Variants in MYO9B observed in about 807,000 individuals in gnomAD.
The protein encoded by MYO9B is myosin IXB, also known as unconventional myosin-IXb.
A neutral mutation model predicts 229.5 loss-of-function variants in MYO9B; 71 were observed. The ratio of observed to expected loss-of-function variants is 0.31; its 90% CI spans 0.26 to 0.38. MYO9B has a LOEUF of 0.38. Among genes scored for constraint, MYO9B ranks in the 10% least tolerant of loss-of-function variants. The pLI is 1.00. For synonymous variants in MYO9B, 1,185 were observed against 1,235.8 expected, an observed-to-expected ratio of 0.96 and a Z score of 0.86; for missense variants, 2,255 against 2,920.5, an observed-to-expected ratio of 0.77 and a Z score of 5.25.
chr19:17,157,905 G>A (rs538069636), intron 7 of MYO9B, among the ~76,000 whole-genome samples: 3 of 152,146 alleles, frequency 2.0e-5, no homozygotes, highest in East Asian at 1.9e-4. Context: ...AAAAATTCTA[G>A]TTTGATCAAG....
intron 1 of MYO9B, among the ~76,000 whole-genome samples, chr19:17,094,398 C>G (rs1056043831): frequency 6.6e-6 from 1 of 152,100 alleles, no homozygotes; most frequent in African/African-American, 2.4e-5. Flanking sequence ...GCTGCACTTA[C>G]TCAGTGTGCC....
Position 17,206,165 on chromosome 19 carries a change from G to A in MYO9B, c.5257+13G>A, listed in dbSNP as rs755396215. The A allele has an allele frequency of 1.2e-5, 20 of 1,609,576 alleles. No homozygotes were observed. Among genetic ancestry groups the A allele is most frequent in the Non-Finnish European group, 1.6e-5 (19 of 1,178,894 alleles). On this transcript the variant is annotated intron_variant, in intron 32 of 39. Coordinates refer to ENST00000682292, the MANE Select transcript of MYO9B (RefSeq NM_004145.4). ...GCGCTGCAGACAGGTGGGCGCTGTG[G>A]GCAGGTGGGTGCAGTGCCAGGCCCC...
In MYO9B at chr19:17,206,379, G is replaced by T; in HGVS notation, c.5386+3G>T. On this transcript the variant is annotated splice_donor_region_variant and intron_variant, in intron 33 of 39. Transcript: ENST00000682292. ...CGGCGACTTCCTCCGAGCCGTCGGTGAGCCCCATGGCGGTGCGGGTGGCAG... is the reference window on the plus strand; with the variant it reads ...CGGCGACTTCCTCCGAGCCGTCGGTTAGCCCCATGGCGGTGCGGGTGGCAG... The T allele has an allele frequency of 6.2e-7, 1 of 1,609,566 alleles. No individual in the cohort carries two copies.
At chr19:17,104,907 A>G (rs148400584) in intron 2 of MYO9B, among the ~76,000 whole-genome samples, 2 of 152,094 alleles carry the variant, frequency 1.3e-5, no homozygotes, top group African/African-American at 2.4e-5. Context: ...CTACGTTGGT[A>G]CTGTTACTAA....
chr19:17,092,679 C>T (rs568798401), intron 1 of MYO9B, among the ~76,000 whole-genome samples: 30 of 145,050 alleles, frequency 2.1e-4, no homozygotes, highest in Non-Finnish European at 3.7e-4. Context: ...GAGCTGAGAT[C>T]GCACCGCTGC....
intron 38 of MYO9B, 48 bp from the exon 39 acceptor site, chr19:17,211,599 G>A (rs778797344): frequency 1.3e-6 from 2 of 1,523,622 alleles, no homozygotes. Context: ...CACTGGCCCA[G>A]CACTTCCGGT....
chr19:17,102,130 G>A lies in MYO9B; in HGVS notation c.413G>A (p.Arg138His), dbSNP rs1478995093. Residue 138 changes from arginine to histidine, a missense_variant, in exon 2 of 40, where the codon CGT (arginine) becomes CAT (histidine). Arg to His is a conservative substitution (Grantham distance 29). Transcript: ENST00000682292. The stretch of plus-strand genomic sequence containing the variant: ...ACAGCCACCCGGCGCCTAGTGGAGC[G>A]TGGCCTCCTGCCACGGCAGCAGGCG... ...QATATRRLVE[R>H]GLLPRQQADF... is the part of the protein sequence containing the mutation. 3 of 1,613,474 alleles carry A rather than the reference G, an allele frequency of 1.9e-6. No homozygotes were observed. The highest frequency in any genetic ancestry group is 2.5e-6 in the Non-Finnish European group (3 of 1,179,890).
At chr19:17,210,955 C>T in intron 38 of MYO9B, 107 bp downstream of exon 38, 2 of 1,156,988 alleles carry the variant, frequency 1.7e-6, no homozygotes, top group Non-Finnish European at 2.4e-6. Flanking sequence ...GTCCTGTCAT[C>T]CCTAACACTG....
chr19:17,175,824 C>CTTTTTTTTTT (rs534528766), intron 14 of MYO9B, 83 bp downstream of exon 14: 1 of 471,924 alleles, frequency 2.1e-6, no homozygotes. Flanking sequence ...ATGCTACATT[C>CTTTTTTTTTT]TTTTTTTTTT....
intron 3 of MYO9B, among the ~76,000 whole-genome samples, chr19:17,147,556 A>AAC (rs1405887860): frequency 2.6e-5 from 4 of 150,974 alleles, no homozygotes; most frequent in Non-Finnish European, 5.9e-5. Context: ...AAAAAAAAAA[A>AAC]AAAAACCCAA....
chr19:17,173,005 G>C (rs762990077), intron 13 of MYO9B, 42 bp downstream of exon 13: 1 of 1,584,578 alleles, frequency 6.3e-7, no homozygotes, highest in Non-Finnish European at 8.5e-7. Flanking sequence ...TCACTGTCGA[G>C]AGGGGGGCAC....
intron 17 of MYO9B, among the ~76,000 whole-genome samples, chr19:17,185,522 G>A (rs1487348861): frequency 2.0e-5 from 3 of 150,522 alleles, no homozygotes. Context: ...CTCCAGCTTG[G>A]GCAACAAGAG....
rs1185212795 is a variant in MYO9B at position 17,184,851 on chromosome 19, T to G, written c.2374-14T>G. On this transcript the variant is annotated splice_polypyrimidine_tract_variant and intron_variant, in intron 16 of 39. Transcript: ENST00000682292. Reference sequence around the variant, plus strand: ...CTGTGGGAGGGCAGGCCGGACCCCATGTGTCTGTCCTAGAACCTACTGGAC... The same window carrying G: ...CTGTGGGAGGGCAGGCCGGACCCCAGGTGTCTGTCCTAGAACCTACTGGAC... The G allele has an allele frequency of 3.7e-6, 6 of 1,613,610 alleles. No homozygotes were observed. The highest frequency in any genetic ancestry group is 2.2e-5 in the East Asian group (1 of 44,852).
intron 20 of MYO9B, among the ~76,000 whole-genome samples, chr19:17,192,473 T>C (rs2072995902): frequency 6.6e-6 from 1 of 151,324 alleles, no homozygotes; most frequent in Non-Finnish European, 1.5e-5. Flanking sequence ...TGGGCACCTG[T>C]AGTCCCAGCT....
At position 17,134,377 on chromosome 19, in the gene MYO9B, GTTTGTTTTTT is replaced by G. The variant is rs1226047263; in HGVS notation, c.841-11016_841-11007del. Among the ~76,000 whole-genome samples, 12 of 39,732 alleles carry G rather than the reference GTTTGTTTTTT, an allele frequency of 3.0e-4. No homozygotes were observed. In the East Asian group the frequency reaches 3.3e-3, roughly 11 times the overall value. The allele number at this position is 39,732 out of a possible 152,430, so 26.1% of individuals were successfully genotyped here. A position where few individuals can be genotyped will look rare whatever the true frequency, so the allele number is the denominator to read the frequency against. On this transcript the variant is annotated intron_variant, in intron 2 of 39. Transcript: ENST00000682292. ...ATCTCTTTGTTTTTTTTTTCGTTTT[GTTTGTTTTTT>G]TTTTTTTTTTTTTTTTTTTTTTGAG...
At position 17,210,346 on chromosome 19, in the gene MYO9B, A is replaced by G. The variant is rs1262183666; in HGVS notation, c.5762A>G (p.Lys1921Arg). The G allele has an allele frequency of 6.9e-6, 11 of 1,597,740 alleles. No individual in the cohort carries two copies. Among genetic ancestry groups the G allele is most frequent in the African/African-American group, 2.7e-5 (2 of 74,384 alleles). ...LLRQNAPWPL[K>R]LGFSSPYEGV... ...TCTCTCTCCCAGCCATGGCCTCTCA[A>G]ACTGGGGTTTTCGTCTCCCTATGAG... The change falls in exon 37 of 40, where the codon AAA becomes AGA. Residue 1921 changes from lysine (K) to arginine (R), a missense_variant. Transcript: ENST00000682292.
rs1055585769 is a variant in MYO9B, at chr19:17,212,466, A to T, written c.*156A>T. The T allele has an allele frequency of 1.0e-6, 1 of 960,548 alleles. No individual in the cohort carries two copies. The allele number at this position is 960,548 out of a possible 1,614,324, so 59.5% of individuals were successfully genotyped here. ...GGGCACCGGCCCCAAGTGCAGAGTCAAGGCAGGGAGAGGCCGGCTGGAGCC... is the reference window on the plus strand; with the variant it reads ...GGGCACCGGCCCCAAGTGCAGAGTCTAGGCAGGGAGAGGCCGGCTGGAGCC... On this transcript the variant is annotated 3_prime_UTR_variant, in exon 40 of 40. Coordinates refer to ENST00000682292, the MANE Select transcript of MYO9B (RefSeq NM_004145.4). This position sits in a 1 kb window ranked among gnomAD's most constrained non-coding sequence, Gnocchi z 5.4.
chr19:17,099,682 G>A (rs1259579526), intron 1 of MYO9B, among the ~76,000 whole-genome samples: 1 of 152,056 alleles, frequency 6.6e-6, no homozygotes, highest in Non-Finnish European at 1.5e-5. Context: ...GCCAGGCGCG[G>A]TGGCGGGCGC....
chr19:17,088,260 C>A (rs2057602473), intron 1 of MYO9B, among the ~76,000 whole-genome samples: 1 of 152,222 alleles, frequency 6.6e-6, no homozygotes, highest in Non-Finnish European at 1.5e-5. Flanking sequence ...TCTCTGTGTG[C>A]ACATGTCTCT....
Sources: gnomAD v4.1 joint callset for allele counts (sites outside exome capture counted in the v4.1 genomes callset) on GRCh38, gnomAD v4.1.1 for gene constraint, Gnocchi (gnomAD v3.1) non-coding constraint, MANE v1.5 for transcripts, NCBI Gene and HGNC (gene_info 2026-07-23, HGNC 2026-07-21) for gene names.